Variants in PARD3B observed in about 807,000 individuals in gnomAD.
The protein encoded by PARD3B is par-3 family cell polarity regulator beta, also known as partitioning defective 3 homolog B.
PARD3B carries 103 observed loss-of-function variants against 130.2 expected under a neutral mutation model. That is an observed-to-expected ratio of 0.79 (90% CI 0.67 to 0.93). The LOEUF (loss-of-function observed/expected upper bound fraction) is 0.93, where lower values mean the gene tolerates loss of function less well. Among genes scored for constraint, PARD3B ranks in the 40% least tolerant of loss-of-function variants. The pLI is 0.00. For synonymous variants in PARD3B, 583 were observed against 553.2 expected, an observed-to-expected ratio of 1.05 and a Z score of -0.76; for missense variants, 1,609 against 1,499.2, an observed-to-expected ratio of 1.07 and a Z score of -1.21.
chr2:205,159,171 A>G (rs2034362520), intron 11 of PARD3B, among the ~76,000 whole-genome samples: 1 of 152,206 alleles, frequency 6.6e-6, no homozygotes, highest in Non-Finnish European at 1.5e-5. Context: ...TATTACTGCA[A>G]TAGGATTCCT....
chr2:205,261,554 A>G (rs2040312543), intron 16 of PARD3B, among the ~76,000 whole-genome samples: 1 of 152,194 alleles, frequency 6.6e-6, no homozygotes, highest in African/African-American at 2.4e-5. Context: ...AAATATATGG[A>G]AAGCCATGTG....
At chr2:205,479,427 C>T (rs1393792359) in intron 20 of PARD3B, among the ~76,000 whole-genome samples, 1 of 152,144 alleles carries the variant, frequency 6.6e-6, no homozygotes, top group Non-Finnish European at 1.5e-5. Context: ...TAGACAAAGA[C>T]TCAAAATGTA....
chr2:205,043,400 G>A (rs528581888), intron 3 of PARD3B, among the ~76,000 whole-genome samples: 1 of 152,182 alleles, frequency 6.6e-6, no homozygotes, highest in Non-Finnish European at 1.5e-5. Flanking sequence ...CATCAGTTCT[G>A]TTATGTGCTA....
At chr2:204,932,808 A>T (rs1288197414) in intron 2 of PARD3B, among the ~76,000 whole-genome samples, 1 of 152,158 alleles carries the variant, frequency 6.6e-6, no homozygotes, top group East Asian at 1.9e-4. Context: ...CTAAACCTGG[A>T]TTCTGCATTT....
intron 1 of PARD3B, among the ~76,000 whole-genome samples, chr2:204,597,444 C>T (rs188700090): frequency 1.1e-4 from 17 of 152,212 alleles, no homozygotes; most frequent in Admixed American, 3.9e-4. Flanking sequence ...ATGGGAACTA[C>T]AGGAAGCCAG....
Position 205,470,308 on chromosome 2 carries a change from C to A in PARD3B, c.3045-29588C>A, listed in dbSNP as rs374971351. Reference sequence around the variant, plus strand: ...TTCAAAGTAGCTTTCACAATTAAATCTTTAATGTCATTATCATTTGTTTCA... The same window carrying A: ...TTCAAAGTAGCTTTCACAATTAAATATTTAATGTCATTATCATTTGTTTCA... On this transcript the variant is annotated intron_variant, in intron 20 of 22. Coordinates refer to ENST00000406610, the MANE Select transcript of PARD3B (RefSeq NM_001302769.2). This position sits in a 1 kb window ranked among gnomAD's most constrained non-coding sequence, Gnocchi z 4.8. Among the ~76,000 whole-genome samples, 22 of 152,310 alleles carry A rather than the reference C, an allele frequency of 1.4e-4. No homozygotes were observed. The highest frequency in any genetic ancestry group is 5.1e-4 in the African/African-American group (21 of 41,574).
At chr2:204,672,319 G>A (rs1574661920) in intron 1 of PARD3B, among the ~76,000 whole-genome samples, 1 of 152,254 alleles carries the variant, frequency 6.6e-6, no homozygotes, top group East Asian at 1.9e-4. Context: ...GTCTGCACAG[G>A]CTTTTCATAT....
At chr2:205,123,905 A>G (rs1293204506) in intron 8 of PARD3B, among the ~76,000 whole-genome samples, 3 of 152,202 alleles carry the variant, frequency 2.0e-5, no homozygotes, top group Admixed American at 6.5e-5. Flanking sequence ...ATGCAGCAGT[A>G]CAAGGAATTG....
Position 205,618,461 on chromosome 2 carries a change from C to A in PARD3B, c.*2648C>A, listed in dbSNP as rs535702024. On this transcript the variant is annotated 3_prime_UTR_variant, in exon 23 of 23. Coordinates refer to ENST00000406610, the MANE Select transcript of PARD3B (RefSeq NM_001302769.2). ...CTATAATCAGTAATGTGCCTGGGAG[C>A]AGGAAATAGCTCCCAATTTATTTAT... is the stretch of plus-strand genomic sequence containing the variant. The A allele has an allele frequency of 6.6e-6, 1 of 152,256 alleles. No individual in the cohort carries two copies. The highest frequency in any genetic ancestry group is 2.4e-5 in the African/African-American group (1 of 41,544). 9.4% of individuals were successfully genotyped at this position (152,256 alleles called of 1,614,324 possible). A position where few individuals can be genotyped will look rare whatever the true frequency, so the allele number is the denominator to read the frequency against.
intron 2 of PARD3B, among the ~76,000 whole-genome samples, chr2:204,810,362 T>C (rs1321561619): frequency 6.6e-6 from 1 of 152,204 alleles, no homozygotes; most frequent in Admixed American, 6.6e-5. Flanking sequence ...CCCCATTCAG[T>C]ATGATGTTGG....
rs1177448429 is a variant in PARD3B, at chr2:204,887,785, A to C, written c.223-77367A>C. On this transcript the variant is annotated intron_variant, in intron 2 of 22. Transcript: ENST00000406610. The surrounding 1 kb of genome is among the most constrained non-coding windows in gnomAD (Gnocchi z 4.2). ...CACACATGTAAAACCAAATAGCGAT[A>C]CAAGGCAACCCTACCAGAGGCATAC... Among the ~76,000 whole-genome samples the C allele has an allele frequency of 6.6e-6, 1 of 152,156 alleles. No homozygotes were observed. Among genetic ancestry groups the C allele is most frequent in the Non-Finnish European group, 1.5e-5 (1 of 68,044 alleles).
intron 2 of PARD3B, among the ~76,000 whole-genome samples, chr2:204,731,841 G>T (rs888797138): frequency 6.6e-6 from 1 of 152,102 alleles, no homozygotes; most frequent in Admixed American, 6.6e-5. Context: ...AACCTTTTCT[G>T]ACCAGACGAG....
chr2:205,386,870 C>T (rs1193714926), intron 18 of PARD3B, among the ~76,000 whole-genome samples: 3 of 152,060 alleles, frequency 2.0e-5, no homozygotes, highest in Non-Finnish European at 4.4e-5. Flanking sequence ...CATGATCTCA[C>T]AGATCCCCCT....
intron 3 of PARD3B, among the ~76,000 whole-genome samples, chr2:205,025,188 G>C (rs1696922262): frequency 6.6e-6 from 1 of 152,260 alleles, no homozygotes; most frequent in East Asian, 1.9e-4. Context: ...TTCAGTCTGC[G>C]GCACTTAGAT....
intron 20 of PARD3B, among the ~76,000 whole-genome samples, chr2:205,456,676 A>G (rs563216409): frequency 7.8e-4 from 119 of 151,802 alleles, no homozygotes; most frequent in Middle Eastern, 3.4e-3. Flanking sequence ...GGCTGTTAAC[A>G]TGTTGGTTTA....
intron 2 of PARD3B, among the ~76,000 whole-genome samples, chr2:204,710,665 A>G (rs2038390442): frequency 6.6e-6 from 1 of 152,188 alleles, no homozygotes. Context: ...CACCTGCTTC[A>G]TTGATTCTCA....
chr2:204,635,756 T>A (rs1446631953), intron 1 of PARD3B, among the ~76,000 whole-genome samples: 1 of 152,184 alleles, frequency 6.6e-6, no homozygotes, highest in African/African-American at 2.4e-5. Context: ...AAAATGGGGA[T>A]AATAATAATC....
intron 11 of PARD3B, among the ~76,000 whole-genome samples, chr2:205,166,200 A>G (rs2034807075): frequency 6.6e-6 from 1 of 152,204 alleles, no homozygotes; most frequent in Non-Finnish European, 1.5e-5. Context: ...TAAATATATA[A>G]AAAACACTAA....
chr2:204,613,478 A>G (rs895777124), intron 1 of PARD3B, among the ~76,000 whole-genome samples: 1 of 152,034 alleles, frequency 6.6e-6, no homozygotes, highest in Non-Finnish European at 1.5e-5. Context: ...GGGAAACATT[A>G]TTTCTTTATC....
Sources: gnomAD v4.1 joint callset for allele counts (sites outside exome capture counted in the v4.1 genomes callset) on GRCh38, gnomAD v4.1.1 for gene constraint, Gnocchi (gnomAD v3.1) non-coding constraint, MANE v1.5 for transcripts, NCBI Gene and HGNC (gene_info 2026-07-23, HGNC 2026-07-21) for gene names.